Variants in LY6G6F observed in about 807,000 individuals in gnomAD.
LY6G6F encodes the protein lymphocyte antigen 6 family member G6F, also known as lymphocyte antigen 6 complex locus protein G6f.
In LY6G6F, 26 loss-of-function variants were observed where a neutral mutation model predicts 33.0. The observed-to-expected ratio is 0.79, with a 90% CI of 0.58 to 1.09. The LOEUF is 1.09. Ranked by LOEUF, LY6G6F falls within the 50% of genes least tolerant of loss-of-function variation. LY6G6F has a pLI of 0.00. For missense variants in LY6G6F, 317 were observed against 372.0 expected (o/e 0.85, Z 1.22); for synonymous variants, 132 against 148.1 (o/e 0.89, Z 0.79).
intron 3 of LY6G6F, among the ~76,000 whole-genome samples, chr6:31,709,229 G>T (rs917940629): frequency 1.3e-5 from 2 of 150,098 alleles, no homozygotes; most frequent in Non-Finnish European, 3.0e-5. Context: ...CTGCCACCAC[G>T]CCTGGCTAAC....
intron 3 of LY6G6F, 110 bp downstream of exon 3, chr6:31,708,244 A>G (rs1805768934): frequency 2.2e-6 from 3 of 1,367,958 alleles, no homozygotes; most frequent in Non-Finnish European, 2.9e-6. Context: ...TACTTTTAGT[A>G]GAGACGAGAT....
intron 3 of LY6G6F, among the ~76,000 whole-genome samples, chr6:31,709,262 T>G (rs1397643458): frequency 4.7e-4 from 66 of 140,724 alleles, no homozygotes; most frequent in East Asian, 8.4e-4. Context: ...GTGTGTGTTT[T>G]TTTTTGTTTT....
chr6:31,710,425 A>G lies in LY6G6F; in HGVS notation c.869+7A>G. On this transcript the variant is annotated splice_region_variant and intron_variant, in intron 5 of 5. Coordinates refer to ENST00000375832, the MANE Select transcript of LY6G6F (RefSeq NM_001003693.3). The surrounding 1 kb of genome is among the most constrained non-coding windows in gnomAD (Gnocchi z 4.7). ...TCCATTTGGCCCGTCTTGGGTGAGGAACAGCTAGGGAACAGAGGCTTAAAT... is the reference window on the plus strand; with the variant it reads ...TCCATTTGGCCCGTCTTGGGTGAGGGACAGCTAGGGAACAGAGGCTTAAAT... The G allele has an allele frequency of 6.2e-7, 1 of 1,614,136 alleles. No individual in the cohort carries two copies.
In LY6G6F at chr6:31,710,192, C is replaced by A; in HGVS notation, c.802+11C>A. 1 of 1,609,092 alleles carries A rather than the reference C, an allele frequency of 6.2e-7. No individual in the cohort carries two copies. On this transcript the variant is annotated intron_variant, in intron 4 of 5. Transcript: ENST00000375832. The surrounding 1 kb of genome is among the most constrained non-coding windows in gnomAD (Gnocchi z 4.7). The stretch of plus-strand genomic sequence containing the variant: ...GGGCTCCAGGCAGAGGTGAGTCCCT[C>A]CCTCCCCGGGGAAAGAAGAGGGCAC...
rs1805732942 is a variant in LY6G6F, at chr6:31,707,889, G to T, written c.401G>T (p.Arg134Met). The change falls in exon 3 of 6, where the codon AGG becomes ATG. Residue 134 changes from arginine to methionine, a missense_variant. Physicochemically the swap from Arg to Met is moderately conservative, Grantham distance 91. Transcript: ENST00000375832. This position sits in a 1 kb window ranked among gnomAD's most constrained non-coding sequence, Gnocchi z 4.1. ...CCTACAGGATCCCAGTTATCTGCAA[G>T]GGCTGCAGATGGATCCCCCTGCAAT... ...LVLKGSQLSA[R>M]AADGSPCNVL... The T allele has an allele frequency of 6.2e-7, 1 of 1,613,280 alleles. No individual in the cohort carries two copies.
In LY6G6F at chr6:31,707,065, A is replaced by G; in HGVS notation, c.52+107A>G. The G allele has an allele frequency of 1.6e-6, 2 of 1,272,086 alleles. No homozygotes were observed. Among genetic ancestry groups the G allele is most frequent in the Non-Finnish European group, 2.3e-6 (2 of 876,064 alleles). The allele number at this position is 1,272,086 out of a possible 1,614,324, so 78.8% of individuals were successfully genotyped here. On this transcript the variant is annotated intron_variant, in intron 1 of 5. Transcript: ENST00000375832. This position sits in a 1 kb window ranked among gnomAD's most constrained non-coding sequence, Gnocchi z 4.1. ...GAAGGCATCTGACTCAAGAAGATAG[A>G]ATTACCCCAACCAACCTCCTCCTGC...
chr6:31,710,044 C>T lies in LY6G6F; in HGVS notation c.665C>T (p.Pro222Leu). Reference sequence around the variant, plus strand: ...ACTACAGCCTCCATCGATGCTTCTCCTGCCCTCTGTGCCCCTTCCACGGGC... The same window carrying T: ...ACTACAGCCTCCATCGATGCTTCTCTTGCCCTCTGTGCCCCTTCCACGGGC... ...FSLAASIDAS[P>L]ALCAPSTGWD... Residue 222 changes from proline to leucine, a missense_variant, in exon 4 of 6, where the codon CCT becomes CTT. By Grantham distance (98) the Pro-to-Leu change is moderately conservative. Transcript: ENST00000375832. This position sits in a 1 kb window ranked among gnomAD's most constrained non-coding sequence, Gnocchi z 4.7. 1 of 1,612,836 alleles carries T rather than the reference C, an allele frequency of 6.2e-7. No homozygotes were observed. The highest frequency in any genetic ancestry group is 8.5e-7 in the Non-Finnish European group (1 of 1,179,880).
Position 31,710,655 on chromosome 6 carries a change from T to A in LY6G6F, c.*64T>A. On this transcript the variant is annotated 3_prime_UTR_variant, in exon 6 of 6. Coordinates refer to ENST00000375832, the MANE Select transcript of LY6G6F (RefSeq NM_001003693.3). This position sits in a 1 kb window ranked among gnomAD's most constrained non-coding sequence, Gnocchi z 4.7. Reference sequence around the variant, plus strand: ...CGCTGGCCATCTGGCACCTGGAAGATTCCTCGACAACCTTAGCAAGGGGGG... The same window carrying A: ...CGCTGGCCATCTGGCACCTGGAAGAATCCTCGACAACCTTAGCAAGGGGGG... The A allele has an allele frequency of 6.2e-7, 1 of 1,604,466 alleles. No homozygotes were observed. Among genetic ancestry groups the A allele is most frequent in the South Asian group, 1.1e-5 (1 of 90,870 alleles).
Position 31,707,081 on chromosome 6 carries a change from C to T in LY6G6F, c.52+123C>T, listed in dbSNP as rs1339318178. On this transcript the variant is annotated intron_variant, in intron 1 of 5. Transcript: ENST00000375832. This position sits in a 1 kb window ranked among gnomAD's most constrained non-coding sequence, Gnocchi z 4.1. ...AGAAGATAGAATTACCCCAACCAAC[C>T]TCCTCCTGCCTCTGACACTAGGGAA... The T allele has an allele frequency of 9.9e-7, 1 of 1,010,670 alleles. No individual in the cohort carries two copies. The highest frequency in any genetic ancestry group is 2.4e-5 in the East Asian group (1 of 41,342). The allele number at this position is 1,010,670 out of a possible 1,614,324, so 62.6% of individuals were successfully genotyped here.
chr6:31,709,259 T>TA (rs529993564), intron 3 of LY6G6F, among the ~76,000 whole-genome samples: 1 of 142,572 alleles, frequency 7.0e-6, no homozygotes, highest in Non-Finnish European at 1.6e-5. Context: ...TGTGTGTGTG[T>TA]TTTTTTTTGT....
chr6:31,710,531 G>A lies in LY6G6F; in HGVS notation c.870-36G>A, dbSNP rs377111402. On this transcript the variant is annotated intron_variant, in intron 5 of 5. Coordinates refer to ENST00000375832, the MANE Select transcript of LY6G6F (RefSeq NM_001003693.3). This position sits in a 1 kb window ranked among gnomAD's most constrained non-coding sequence, Gnocchi z 4.7. ...CGTTCCTGAGGATGTGAAAAGTAGA[G>A]GTATCCTTAATCTGTCTCTCTGGAA... 3 of 1,614,070 alleles carry A rather than the reference G, an allele frequency of 1.9e-6. No individual in the cohort carries two copies. Among genetic ancestry groups the A allele is most frequent in the Non-Finnish European group, 2.5e-6 (3 of 1,180,002 alleles).
At position 31,708,026 on chromosome 6, in the gene LY6G6F, C is replaced by G; in HGVS notation, c.538C>G (p.Leu180Val). ...VQSFWGSEAA[L>V]LLVCPGEGLS... ...GTCCTTCTGGGGCAGTGAGGCTGCC[C>G]TGCTCTTGGTGTGTCCTGGGGAGGG... Residue 180 changes from leucine (L) to valine (V), a missense_variant, in exon 3 of 6, where the codon CTG becomes GTG. Coordinates refer to ENST00000375832, the MANE Select transcript of LY6G6F (RefSeq NM_001003693.3). 6.2e-7 allele frequency: 1 copy of G among 1,613,036 alleles called. No homozygotes were observed. The highest frequency in any genetic ancestry group is 8.5e-7 in the Non-Finnish European group (1 of 1,180,004).
Position 31,707,994 on chromosome 6 carries a change from G to A in LY6G6F, c.506G>A (p.Arg169His), listed in dbSNP as rs908403443. 13 of 1,612,980 alleles carry A rather than the reference G, an allele frequency of 8.1e-6. No homozygotes were observed. Among genetic ancestry groups the A allele is most frequent in the Middle Eastern group, 1.6e-4 (1 of 6,084 alleles). Residue 169 changes from arginine (R) to histidine (H), a missense_variant, in exon 3 of 6, where the codon CGT (arginine) becomes CAT (histidine). Physicochemically the swap from Arg to His is conservative, Grantham distance 29 (BLOSUM62 0). Coordinates refer to ENST00000375832, the MANE Select transcript of LY6G6F (RefSeq NM_001003693.3). The surrounding 1 kb of genome is among the most constrained non-coding windows in gnomAD (Gnocchi z 4.1). ...WQEGKGPVRG[R>H]VQSFWGSEAA... ...GAAGGGAAGGGTCCCGTGAGGGGCC[G>A]TGTTCAGTCCTTCTGGGGCAGTGAG...
rs1328486270 is a variant in LY6G6F at position 31,709,341 on chromosome 6, C to A, written c.647-685C>A. Among the ~76,000 whole-genome samples, 6 of 151,566 alleles carry A rather than the reference C, an allele frequency of 4.0e-5. No individual in the cohort carries two copies. The South Asian group carries it at 1.3e-3, about 32-fold the overall frequency. ...GTGGCGCAATCCCGGCTCACTGCAA[C>A]CTCTGACTCCCTGGTTCAAGTGATT... On this transcript the variant is annotated intron_variant, in intron 3 of 5. Transcript: ENST00000375832.
In LY6G6F at chr6:31,710,055, GCCCCTTC is replaced by G; in HGVS notation, c.678_684del (p.Pro227ArgfsTer9). The G allele has an allele frequency of 6.2e-7, 1 of 1,612,956 alleles. No individual in the cohort carries two copies. Among genetic ancestry groups the G allele is most frequent in the Non-Finnish European group, 8.5e-7 (1 of 1,179,966 alleles). On this transcript the variant is annotated frameshift_variant, in exon 4 of 6. Coordinates refer to ENST00000375832, the MANE Select transcript of LY6G6F (RefSeq NM_001003693.3). LOFTEE classifies it high-confidence loss of function. The surrounding 1 kb of genome is among the most constrained non-coding windows in gnomAD (Gnocchi z 4.7). ...CATCGATGCTTCTCCTGCCCTCTGT[GCCCCTTC>G]CACGGGCTGGGACATGCCTTGGATT...
Position 31,707,402 on chromosome 6 carries a change from T to G in LY6G6F, c.53-56T>G. ...AAGGAAGCCAGGGTTGAAGATCAAA[T>G]GGGGGGTTATTGATCTGATGGAGGT... On this transcript the variant is annotated intron_variant, in intron 1 of 5. Transcript: ENST00000375832. The surrounding 1 kb of genome is among the most constrained non-coding windows in gnomAD (Gnocchi z 4.1). 6.7e-7 allele frequency: 1 copy of G among 1,498,308 alleles called. No individual in the cohort carries two copies. The highest frequency in any genetic ancestry group is 9.2e-7 in the Non-Finnish European group (1 of 1,087,488). The allele number at this position is 1,498,308 out of a possible 1,614,324, so 92.8% of individuals were successfully genotyped here.
chr6:31,709,961 T>C, intron 3 of LY6G6F, 65 bp from the exon 4 acceptor site: 1 of 1,514,628 alleles, frequency 6.6e-7, no homozygotes, highest in Non-Finnish European at 9.0e-7. Context: ...AGCCTCTCTT[T>C]GGGGCACAGG....
chr6:31,708,862 G>A (rs1012492501), intron 3 of LY6G6F, among the ~76,000 whole-genome samples: 25 of 152,144 alleles, frequency 1.6e-4, no homozygotes, highest in Admixed American at 4.6e-4. Context: ...GGAGGTGGAG[G>A]GCGCAGTGAG....
rs749902317 is a variant in LY6G6F at position 31,710,073 on chromosome 6, G to A, written c.694G>A (p.Asp232Asn). The change falls in exon 4 of 6, where the codon GAC (aspartate) becomes AAC (asparagine). Residue 232 changes from aspartate to asparagine, a missense_variant. Asp to Asn is a conservative substitution (Grantham distance 23, BLOSUM62 1). Coordinates refer to ENST00000375832, the MANE Select transcript of LY6G6F (RefSeq NM_001003693.3). This position sits in a 1 kb window ranked among gnomAD's most constrained non-coding sequence, Gnocchi z 4.7. The part of the protein sequence containing the change: ...PALCAPSTGW[D>N]MPWILMLLLT... ...CCTCTGTGCCCCTTCCACGGGCTGG[G>A]ACATGCCTTGGATTCTGATGCTGCT... The A allele has an allele frequency of 8.7e-6, 14 of 1,612,932 alleles. No homozygotes were observed. The highest frequency in any genetic ancestry group is 1.1e-5 in the Non-Finnish European group (13 of 1,180,020).
Sources: gnomAD v4.1 joint callset for allele counts (sites outside exome capture counted in the v4.1 genomes callset) on GRCh38, gnomAD v4.1.1 for gene constraint, Gnocchi (gnomAD v3.1) non-coding constraint, MANE v1.5 for transcripts, NCBI Gene and HGNC (gene_info 2026-07-23, HGNC 2026-07-21) for gene names.